BTNL3: variants seen among roughly 807,000 people sequenced by gnomAD.
BTNL3 encodes the protein butyrophilin-like protein 3.
BTNL3 carries 20 observed loss-of-function variants against 40.1 expected under a neutral mutation model. That is an observed-to-expected ratio of 0.50 (90% CI 0.35 to 0.72). The LOEUF (loss-of-function observed/expected upper bound fraction) is 0.72, where lower values mean the gene tolerates loss of function less well. BTNL3 is among the 30% of genes least tolerant of loss of function. BTNL3 has a pLI of 0.01. For missense variants in BTNL3, 449 were observed against 582.2 expected (o/e 0.77, Z 2.35); for synonymous variants, 179 against 222.1 (o/e 0.81, Z 1.73).
At chr5:180,994,891 T>C (rs1419699179) in intron 2 of BTNL3, among the ~76,000 whole-genome samples, 1 of 134,854 alleles carries the variant, frequency 7.4e-6, no homozygotes, top group Non-Finnish European at 1.7e-5. Context: ...GTTCACGCCA[T>C]TCTCCTGCCT....
intron 2 of BTNL3, among the ~76,000 whole-genome samples, chr5:180,995,003 G>A (rs1437670745): frequency 7.4e-6 from 1 of 135,678 alleles, no homozygotes; most frequent in Non-Finnish European, 1.7e-5. Context: ...TAACCAGGAT[G>A]GTCTTGATCT....
rs1372797657 is a variant in BTNL3, at chr5:180,994,441, C to T, written c.397+1281C>T. On this transcript the variant is annotated intron_variant, in intron 2 of 7. Transcript: ENST00000342868. ...TCTTTCTGGCCTTGAAGATTTCTCA[C>T]GAAAAATCTGCTGTCATTGGTGTTT... Among the ~76,000 whole-genome samples the T allele has an allele frequency of 5.8e-5, 8 of 136,822 alleles. 1 individual carries two copies. The highest frequency in any genetic ancestry group is 4.3e-4 in the East Asian group (2 of 4,642). 89.8% of individuals were successfully genotyped at this position (136,822 alleles called of 152,430 possible).
intron 3 of BTNL3, 41 bp from the exon 4 acceptor site, chr5:181,002,631 C>T: frequency 7.0e-7 from 1 of 1,431,652 alleles, no homozygotes; most frequent in East Asian, 2.5e-5. Flanking sequence ...ATTGTCTTAC[C>T]TGCTTAGCTA....
Position 181,005,912 on chromosome 5 carries a change from C to T in BTNL3, c.*40C>T, listed in dbSNP as rs35157246. The T allele has an allele frequency of 0.037, 56,884 of 1,534,070 alleles. 1,366 individuals are homozygous for T. Among genetic ancestry groups the T allele is most frequent in the Middle Eastern group, 0.048 (274 of 5,656 alleles). On this transcript the variant is annotated 3_prime_UTR_variant, in exon 8 of 8. Transcript: ENST00000342868. ...TGCTTAAAGGGCCCCACACCACAGA[C>T]CCAGACACAGCCAAGGGAGAGTGCT...
Position 180,992,845 on chromosome 5 carries a change from G to A in BTNL3, c.82G>A (p.Val28Ile), listed in dbSNP as rs776089569. The A allele has an allele frequency of 5.5e-6, 8 of 1,463,210 alleles. 4 individuals carry two copies. In the East Asian group the frequency reaches 1.5e-4, roughly 27 times the overall value. 90.6% of individuals were successfully genotyped at this position (1,463,210 alleles called of 1,614,324 possible). Reference sequence around the variant, plus strand: ...GCAAGTCACTGGACCGGGCAAGTTTGTCCAGGCCTTGGTGGGGGAGGACGC... The same window carrying A: ...GCAAGTCACTGGACCGGGCAAGTTTATCCAGGCCTTGGTGGGGGAGGACGC... ...QWQVTGPGKF[V>I]QALVGEDAVF... The change falls in exon 2 of 8, where the codon GTC (valine) becomes ATC (isoleucine). Residue 28 changes from valine to isoleucine, a missense_variant. By Grantham distance (29) the Val-to-Ile change is conservative (BLOSUM62 3). Around this residue, in one of 2 missense-constraint regions of BTNL3, gnomAD observed 323 missense variants for 464.9 expected, o/e 0.69. Transcript: ENST00000342868.
rs538229223 is a variant in BTNL3 at position 180,990,651 on chromosome 5, G to T, written c.49+1574G>T. Reference sequence around the variant, plus strand: ...ACTAAAAACTGTTTGCCTGGCTTGAGAGTCTCACACAGCCTTGAAGGCAGC... The same window carrying T: ...ACTAAAAACTGTTTGCCTGGCTTGATAGTCTCACACAGCCTTGAAGGCAGC... On this transcript the variant is annotated intron_variant, in intron 1 of 7. Coordinates refer to ENST00000342868, the MANE Select transcript of BTNL3 (RefSeq NM_197975.3). 4.3e-5 allele frequency among the ~76,000 whole-genome samples: 6 copies of T among 138,060 alleles called. 2 individuals are homozygous for T. The highest frequency in any genetic ancestry group is 1.5e-4 in the African/African-American group (6 of 40,110). 90.6% of individuals were successfully genotyped at this position (138,060 alleles called of 152,430 possible).
rs748392659 is a variant in BTNL3, at chr5:181,004,751, G to A, written c.851G>A (p.Arg284Gln). ...TTGCTTTCAGAATTGAGAGACGCCC[G>A]GAAACACGCAGGTACCAACGCCTGA... ...KHGQAELRDA[R>Q]KHAVEVTLDP... The change falls in exon 7 of 8, where the codon CGG becomes CAG. Residue 284 changes from arginine (R) to glutamine (Q), a missense_variant. This residue lies in a region of BTNL3 where 323 missense variants were observed against 464.9 expected (regional missense o/e 0.69). Coordinates refer to ENST00000342868, the MANE Select transcript of BTNL3 (RefSeq NM_197975.3). The A allele has an allele frequency of 9.4e-5, 151 of 1,613,994 alleles. 1 individual carries two copies. In the South Asian group the frequency reaches 1.3e-3, roughly 14 times the overall value.
In BTNL3 at chr5:181,006,458, T is replaced by C. The variant is rs7717288; in HGVS notation, c.*586T>C. ...CAAAGAATAAAGAGGAGGTAGGATT[T>C]TTCACTGATTCTATAAGCCCAGCAT... On this transcript the variant is annotated 3_prime_UTR_variant, in exon 8 of 8. Coordinates refer to ENST00000342868, the MANE Select transcript of BTNL3 (RefSeq NM_197975.3). 0.044 allele frequency: 6,803 copies of C among 154,176 alleles called. 514 individuals are homozygous for C. The highest frequency in any genetic ancestry group is 0.15 in the African/African-American group (6,440 of 41,610). The allele number at this position is 154,176 out of a possible 1,614,324, so 9.6% of individuals were successfully genotyped here. A position where few individuals can be genotyped will look rare whatever the true frequency, so the allele number is the denominator to read the frequency against.
At chr5:181,004,652 T>A (rs1760185825) in intron 6 of BTNL3, 84 bp from the exon 7 acceptor site, 2 of 1,612,908 alleles carry the variant, frequency 1.2e-6, no homozygotes. Context: ...TCAAAAAGGG[T>A]CCCAATCCTT....
rs1271860841 is a variant in BTNL3, at chr5:180,994,566, TG to T, written c.397+1407del. 1.8e-4 allele frequency among the ~76,000 whole-genome samples: 25 copies of T among 136,488 alleles called. 2 individuals carry two copies. Among genetic ancestry groups the T allele is most frequent in the African/African-American group, 5.5e-4 (22 of 39,812 alleles). 89.5% of individuals were successfully genotyped at this position (136,488 alleles called of 152,430 possible). A position where few individuals can be genotyped will look rare whatever the true frequency, so the allele number is the denominator to read the frequency against. On this transcript the variant is annotated intron_variant, in intron 2 of 7. Coordinates refer to ENST00000342868, the MANE Select transcript of BTNL3 (RefSeq NM_197975.3). ...TCAGCTTCTTGAATCTGTAGTTTCA[TG>T]ACTTTCACCTCATTTGATTAGATCA...
At chr5:180,993,290 G>C in intron 2 of BTNL3, 130 bp downstream of exon 2, 1 of 1,268,446 alleles carries the variant, frequency 7.9e-7, no homozygotes, top group Non-Finnish European at 1.0e-6. Flanking sequence ...GGCTTCGGTG[G>C]GGATCACTGA....
chr5:180,993,042 AG>A lies in BTNL3; in HGVS notation c.285del (p.Arg96ValfsTer4). 2 of 1,457,390 alleles carry A rather than the reference AG, an allele frequency of 1.4e-6. No homozygotes were observed. The highest frequency in any genetic ancestry group is 9.5e-7 in the Non-Finnish European group (1 of 1,055,852). The allele number at this position is 1,457,390 out of a possible 1,614,324, so 90.3% of individuals were successfully genotyped here. On this transcript the variant is annotated frameshift_variant, in exon 2 of 8. Transcript: ENST00000342868. LOFTEE classifies it high-confidence loss of function. ...CTGAGTTTGTGAAGGACTCCATTGC[AG>A]GGGGGCGTGTCTCTCTAAGGCTAAA... Reference protein sequence around the residue: ...RTEFVKDSIAGGRVSLRLKNI... With the variant: ...RTEFVKDSIAXGRVSLRLKNI...
Position 180,991,687 on chromosome 5 carries a change from T to C in BTNL3, c.50-1126T>C, listed in dbSNP as rs1198895766. ...TGCTGAGGGAAACACACACACTCTG[T>C]CCTCATGAAGCTAAAAGTCGTGCAG... On this transcript the variant is annotated intron_variant, in intron 1 of 7. Transcript: ENST00000342868. Among the ~76,000 whole-genome samples the C allele has an allele frequency of 2.2e-5, 3 of 136,910 alleles. 1 individual carries two copies. The highest frequency in any genetic ancestry group is 5.0e-5 in the Non-Finnish European group (3 of 59,864). The allele number at this position is 136,910 out of a possible 152,430, so 89.8% of individuals were successfully genotyped here.
In BTNL3 at chr5:181,006,175, G is replaced by A. The variant is rs1760228171; in HGVS notation, c.*303G>A. 2 of 430,656 alleles carry A rather than the reference G, an allele frequency of 4.6e-6. No individual in the cohort carries two copies. Among genetic ancestry groups the A allele is most frequent in the Non-Finnish European group, 8.1e-6 (2 of 246,134 alleles). The allele number at this position is 430,656 out of a possible 1,614,324, so 26.7% of individuals were successfully genotyped here. A position where few individuals can be genotyped will look rare whatever the true frequency, so the allele number is the denominator to read the frequency against. ...TTGTGAAAACTCCATCCAGCTAAGCGATCTTGAACAAGTCACAACCTCCCA... is the reference window on the plus strand; with the variant it reads ...TTGTGAAAACTCCATCCAGCTAAGCAATCTTGAACAAGTCACAACCTCCCA... On this transcript the variant is annotated 3_prime_UTR_variant, in exon 8 of 8. Coordinates refer to ENST00000342868, the MANE Select transcript of BTNL3 (RefSeq NM_197975.3).
At chr5:180,991,011 C>T (rs1446710484) in intron 1 of BTNL3, among the ~76,000 whole-genome samples, 1 of 136,910 alleles carries the variant, frequency 7.3e-6, no homozygotes, top group Admixed American at 7.7e-5. Context: ...TGTGCCTGGG[C>T]TGAGGAGGTT....
Position 180,992,356 on chromosome 5 carries a change from C to T in BTNL3, c.50-457C>T, listed in dbSNP as rs527513817. ...TGAAGGAAATAAATTTTCCCAAATT[C>T]GATATTTTATGGCCACTTACTCCCC... is the stretch of plus-strand genomic sequence containing the variant. On this transcript the variant is annotated intron_variant, in intron 1 of 7. Transcript: ENST00000342868. 1.1e-4 allele frequency among the ~76,000 whole-genome samples: 15 copies of T among 137,076 alleles called. 2 individuals are homozygous for T. Among genetic ancestry groups the T allele is most frequent in the East Asian group, 6.5e-4 (3 of 4,644 alleles). The allele number at this position is 137,076 out of a possible 152,430, so 89.9% of individuals were successfully genotyped here. A position where few individuals can be genotyped will look rare whatever the true frequency, so the allele number is the denominator to read the frequency against.
chr5:181,004,928 C>T (rs183582387), intron 7 of BTNL3, among the ~76,000 whole-genome samples, 166 bp downstream of exon 7: 39 of 152,070 alleles, frequency 2.6e-4, no homozygotes, highest in Admixed American at 9.8e-4. Flanking sequence ...GAGGGAAAAG[C>T]GTAGGGACTG....
At chr5:180,995,951 G>T (rs1374334053) in intron 2 of BTNL3, among the ~76,000 whole-genome samples, 1 of 135,926 alleles carries the variant, frequency 7.4e-6, no homozygotes, top group African/African-American at 2.5e-5. Flanking sequence ...GAGCAAGGAA[G>T]AGAAGTCTAC....
At position 181,005,547 on chromosome 5, in the gene BTNL3, G is replaced by A. The variant is rs199970076; in HGVS notation, c.1076G>A (p.Arg359Gln). The change falls in exon 8 of 8, where the codon CGG (arginine) becomes CAG (glutamine). Residue 359 changes from arginine (R) to glutamine (Q), a missense_variant. Arg to Gln is a conservative substitution (Grantham distance 43). This residue lies in a region of BTNL3 where 323 missense variants were observed against 464.9 expected (regional missense o/e 0.69). Coordinates refer to ENST00000342868, the MANE Select transcript of BTNL3 (RefSeq NM_197975.3). The stretch of plus-strand genomic sequence containing the variant: ...GTAGGGTGGTATGTGGGAGTGTGTC[G>A]GGATGACGTAGACAGGGGGAAGAAC... ...QNVGWYVGVC[R>Q]DDVDRGKNNV... 119 of 1,613,914 alleles carry A rather than the reference G, an allele frequency of 7.4e-5. No homozygotes were observed. Among genetic ancestry groups the A allele is most frequent in the Admixed American group, 1.2e-4 (7 of 60,002 alleles).
Sources: gnomAD v4.1 joint callset for allele counts (sites outside exome capture counted in the v4.1 genomes callset) on GRCh38, gnomAD v4.1.1 for gene constraint, gnomAD v4.1.1 regional missense constraint, MANE v1.5 for transcripts, NCBI Gene and HGNC (gene_info 2026-07-23, HGNC 2026-07-21) for gene names.